BRDT: variants seen among roughly 807,000 people sequenced by gnomAD.
BRDT encodes bromodomain testis-specific protein.
In BRDT, 77 loss-of-function variants were observed where a neutral mutation model predicts 113.9. The observed-to-expected ratio is 0.68, with a 90% CI of 0.56 to 0.82. The LOEUF (loss-of-function observed/expected upper bound fraction) is 0.82, where lower values mean the gene tolerates loss of function less well. Among genes scored for constraint, BRDT ranks in the 40% least tolerant of loss-of-function variants. BRDT has a pLI of 0.00. For synonymous variants in BRDT, 358 were observed against 366.5 expected (o/e 0.98, Z 0.26); for missense variants, 1,027 against 1,105.4 (o/e 0.93, Z 1.01).
At chr1:92,013,275 T>C (rs6681152) in intron 18 of BRDT, among the ~76,000 whole-genome samples, 128,298 of 151,350 alleles carry the variant, frequency 0.85, 55,572 homozygotes, top group Non-Finnish European at 0.94. Context: ...AAGAAGTATT[T>C]TTTTGTCTCT....
intron 18 of BRDT, among the ~76,000 whole-genome samples, chr1:92,012,912 G>GA (rs35560801): frequency 3.0e-4 from 39 of 130,174 alleles, no homozygotes; most frequent in African/African-American, 6.8e-4. Context: ...TCTGTCACAA[G>GA]AAAAAAAAAA....
chr1:91,994,812 G>GCAGTGAACCCAGGAGTGC (rs1474002125), intron 15 of BRDT, among the ~76,000 whole-genome samples: 1 of 132,624 alleles, frequency 7.5e-6, no homozygotes, highest in East Asian at 2.3e-4. Flanking sequence ...AGCTTGCAGT[G>GCAGTGAACCCAGGAGTGC]AGCCGAGATC....
At chr1:91,967,755 A>G (rs866563494) in intron 3 of BRDT, among the ~76,000 whole-genome samples, 41 of 151,844 alleles carry the variant, frequency 2.7e-4, no homozygotes, top group African/African-American at 8.7e-4. Flanking sequence ...CTGGTCTCGA[A>G]CTCCCGACCT....
intron 1 of BRDT, among the ~76,000 whole-genome samples, chr1:91,953,526 A>C (rs1392731956): frequency 6.6e-6 from 1 of 152,118 alleles, no homozygotes; most frequent in Non-Finnish European, 1.5e-5. Flanking sequence ...CTAAAAATAC[A>C]AAAATTAGCC....
chr1:91,993,699 T>C (rs1686009715), intron 14 of BRDT, among the ~76,000 whole-genome samples: 1 of 152,220 alleles, frequency 6.6e-6, no homozygotes, highest in African/African-American at 2.4e-5. Flanking sequence ...AATTGGTCTC[T>C]AGATTTGCTA....
At chr1:91,950,708 T>TTA (rs1553181942) in intron 1 of BRDT, 12 of 141,808 alleles carry the variant, frequency 8.5e-5, no homozygotes, top group Non-Finnish European at 1.2e-4. Context: ...TTTTTTTTTT[T>TTA]AATACAGATA....
At chr1:91,997,060 G>T (rs1392479353) in intron 15 of BRDT, among the ~76,000 whole-genome samples, 1 of 151,786 alleles carries the variant, frequency 6.6e-6, no homozygotes, top group African/African-American at 2.4e-5. Context: ...GTTAAAAGAA[G>T]AGGTAATCAA....
chr1:91,986,090 T>G (rs536917757), intron 12 of BRDT, among the ~76,000 whole-genome samples: 65 of 152,258 alleles, frequency 4.3e-4, no homozygotes, highest in Admixed American at 9.2e-4. Context: ...TATAAAATCT[T>G]TTAAAATGAT....
chr1:91,959,063 T>A (rs1435621423), intron 1 of BRDT, among the ~76,000 whole-genome samples: 1 of 151,630 alleles, frequency 6.6e-6, no homozygotes, highest in African/African-American at 2.4e-5. Flanking sequence ...AAGTAGAAAA[T>A]GAAACCATGA....
At chr1:91,957,942 C>T (rs1681974689) in intron 1 of BRDT, among the ~76,000 whole-genome samples, 1 of 151,974 alleles carries the variant, frequency 6.6e-6, no homozygotes, top group South Asian at 2.1e-4. Context: ...CAGATTAAAG[C>T]AATTCTTGTG....
intron 4 of BRDT, among the ~76,000 whole-genome samples, chr1:91,969,864 C>T (rs1186206610): frequency 5.4e-5 from 7 of 129,056 alleles, no homozygotes; most frequent in African/African-American, 1.7e-4. Flanking sequence ...GTTTCACTCT[C>T]GTTGCCCAGG....
chr1:91,979,873 T>C, intron 8 of BRDT, 116 bp downstream of exon 8: 1 of 901,366 alleles, frequency 1.1e-6, no homozygotes, highest in Non-Finnish European at 1.6e-6. Context: ...TGTGGCTTTA[T>C]TTACTTATTG....
intron 18 of BRDT, among the ~76,000 whole-genome samples, chr1:92,013,069 T>G (rs1218400563): frequency 6.6e-6 from 1 of 151,240 alleles, no homozygotes; most frequent in Non-Finnish European, 1.5e-5. Flanking sequence ...AATGCAAAAA[T>G]TACCTGGGCA....
intron 18 of BRDT, among the ~76,000 whole-genome samples, chr1:92,012,288 ACTCCAT>A (rs1482024041): frequency 6.8e-6 from 1 of 147,296 alleles, no homozygotes; most frequent in Non-Finnish European, 1.5e-5. Flanking sequence ...CAAGAGCAAA[ACTCCAT>A]CTAGAAAAAA....
At chr1:91,959,415 CTTTCT>C (rs1171502383) in intron 1 of BRDT, among the ~76,000 whole-genome samples, 70 of 53,836 alleles carry the variant, frequency 1.3e-3, no homozygotes, top group South Asian at 3.4e-3. Flanking sequence ...TTCTCTTTTT[CTTTCT>C]TTTTTTTTTT....
chr1:92,000,163 C>T (rs1316148034), intron 15 of BRDT, among the ~76,000 whole-genome samples: 2 of 152,252 alleles, frequency 1.3e-5, no homozygotes, highest in Non-Finnish European at 2.9e-5. Flanking sequence ...CAGGCCTGAG[C>T]CAGTGCACCC....
intron 18 of BRDT, among the ~76,000 whole-genome samples, chr1:92,006,239 ATCT>A (rs1687286116): frequency 6.6e-6 from 1 of 152,120 alleles, no homozygotes; most frequent in African/African-American, 2.4e-5. Flanking sequence ...AAGTTGGTTT[ATCT>A]TCTTGTTCAT....
At chr1:91,969,966 T>G (rs1683465973) in intron 4 of BRDT, among the ~76,000 whole-genome samples, 2 of 151,854 alleles carry the variant, frequency 1.3e-5, no homozygotes, top group African/African-American at 4.8e-5. Context: ...GTAGCTGGGA[T>G]TACAGGCGCA....
At chr1:91,987,396 C>T (rs556694492) in intron 12 of BRDT, among the ~76,000 whole-genome samples, 109 of 152,136 alleles carry the variant, frequency 7.2e-4, no homozygotes, top group African/African-American at 2.6e-3. Flanking sequence ...TGCAGTGGTG[C>T]GATCTCGGCT....
Sources: gnomAD v4.1 joint callset for allele counts (sites outside exome capture counted in the v4.1 genomes callset) on GRCh38, gnomAD v4.1.1 for gene constraint, MANE v1.5 for transcripts, NCBI Gene and HGNC (gene_info 2026-07-23, HGNC 2026-07-21) for gene names.